PBX1: variants seen among roughly 807,000 people sequenced by gnomAD.
PBX1 encodes the protein PBX homeobox 1.
In PBX1, 6 loss-of-function variants were observed where a neutral mutation model predicts 53.4. The ratio of observed to expected loss-of-function variants is 0.11; its 90% CI spans 0.06 to 0.22. The LOEUF (loss-of-function observed/expected upper bound fraction) is 0.22. Ranked by LOEUF, PBX1 falls within the 10% of genes least tolerant of loss-of-function variation. The pLI, the probability that PBX1 is intolerant of heterozygous loss-of-function variation, is 1.00. For synonymous variants in PBX1, 204 were observed against 212.3 expected (o/e 0.96, Z 0.34); for missense variants, 251 against 551.4 (o/e 0.46, Z 5.46).
chr1:164,803,206 T>A (rs989504227), intron 4 of PBX1, among the ~76,000 whole-genome samples: 2 of 152,136 alleles, frequency 1.3e-5, no homozygotes, highest in Non-Finnish European at 2.9e-5. Context: ...AAAAAGTGCA[T>A]ATAAAGGTGG....
intron 2 of PBX1, among the ~76,000 whole-genome samples, chr1:164,748,876 G>A (rs1557983203): frequency 6.6e-6 from 1 of 152,124 alleles, no homozygotes; most frequent in Admixed American, 6.5e-5. Flanking sequence ...GGTGTGTGAT[G>A]GAGGGGTGGA....
chr1:164,802,925 TC>T (rs1382376198), intron 4 of PBX1, among the ~76,000 whole-genome samples: 4 of 152,178 alleles, frequency 2.6e-5, no homozygotes, highest in African/African-American at 9.7e-5. Flanking sequence ...TAAATGATTT[TC>T]GAGCATTAAT....
At position 164,560,005 on chromosome 1, in the gene PBX1, G is replaced by T. The variant is rs1227689671; in HGVS notation, c.183G>T (p.Ala61=). The change falls in exon 1 of 9, where the codon GCG becomes GCT. Residue 61 remains alanine, a synonymous_variant. Coordinates refer to ENST00000420696, the MANE Select transcript of PBX1 (RefSeq NM_002585.4). Reference sequence around the variant, plus strand: ...TCACAGACCAGAGTTTGGATGAGGCGCAGGCCAGGTGAGATGGAGGCTTTT... The same window carrying T: ...TCACAGACCAGAGTTTGGATGAGGCTCAGGCCAGGTGAGATGGAGGCTTTT... ...MTITDQSLDE[A]QARKHALNCH... 1 of 1,438,614 alleles carries T rather than the reference G, an allele frequency of 7.0e-7. No homozygotes were observed. Among genetic ancestry groups the T allele is most frequent in the East Asian group, 2.9e-5 (1 of 34,618 alleles). The allele number at this position is 1,438,614 out of a possible 1,614,324, so 89.1% of individuals were successfully genotyped here. A position where few individuals can be genotyped will look rare whatever the true frequency, so the allele number is the denominator to read the frequency against.
At chr1:164,745,596 G>C (rs961801309) in intron 2 of PBX1, among the ~76,000 whole-genome samples, 7 of 152,104 alleles carry the variant, frequency 4.6e-5, no homozygotes, top group Admixed American at 2.0e-4. Context: ...ACCCAAAGAA[G>C]GTAGTAGTAA....
chr1:164,628,037 G>A (rs1365856420), intron 2 of PBX1, among the ~76,000 whole-genome samples: 1 of 152,160 alleles, frequency 6.6e-6, no homozygotes, highest in African/African-American at 2.4e-5. Flanking sequence ...ATTGCTTTTT[G>A]GGGACATCTG....
intron 2 of PBX1, among the ~76,000 whole-genome samples, chr1:164,753,609 G>A (rs1158860238): frequency 6.6e-6 from 1 of 152,146 alleles, no homozygotes; most frequent in African/African-American, 2.4e-5. Context: ...CGTGCAGGTC[G>A]GCCAGACCCA....
At chr1:164,602,146 G>C (rs1397248998) in intron 2 of PBX1, among the ~76,000 whole-genome samples, 2 of 152,176 alleles carry the variant, frequency 1.3e-5, no homozygotes, top group African/African-American at 4.8e-5. Context: ...GTGGCCTTGG[G>C]AGAAAAGCTG....
At chr1:164,668,113 C>T (rs542738527) in intron 2 of PBX1, among the ~76,000 whole-genome samples, 1 of 152,230 alleles carries the variant, frequency 6.6e-6, no homozygotes, top group Admixed American at 6.5e-5. Context: ...TACGTTTGGT[C>T]AGGAACTATG....
chr1:164,584,243 A>G (rs542314998), intron 2 of PBX1, among the ~76,000 whole-genome samples: 1 of 152,096 alleles, frequency 6.6e-6, no homozygotes, highest in Admixed American at 6.5e-5. Context: ...GTGCATACCT[A>G]TAAATCCCAG....
At chr1:164,779,760 T>A (rs1387726568) in intron 2 of PBX1, among the ~76,000 whole-genome samples, 1 of 151,934 alleles carries the variant, frequency 6.6e-6, no homozygotes, top group Admixed American at 6.6e-5. Context: ...ACAACCAGAG[T>A]GGGGTTCAAT....
At chr1:164,670,074 T>G (rs1661032562) in intron 2 of PBX1, among the ~76,000 whole-genome samples, 1 of 149,154 alleles carries the variant, frequency 6.7e-6, no homozygotes, top group South Asian at 2.1e-4. Context: ...GTGAGAGTAC[T>G]AAGCCATAGG....
rs185088761 is a variant in PBX1, at chr1:164,574,666, G to C, written c.265+11355G>C. On this transcript the variant is annotated intron_variant, in intron 2 of 8. Coordinates refer to ENST00000420696, the MANE Select transcript of PBX1 (RefSeq NM_002585.4). The stretch of plus-strand genomic sequence containing the variant: ...TTGAATTGCAGAAGGCAAACTGAGA[G>C]GGAAAAAAATAGTGGAATTAAAAAA... 2.8e-3 allele frequency among the ~76,000 whole-genome samples: 431 copies of C among 152,182 alleles called. 3 individuals carry two copies. The highest frequency in any genetic ancestry group is 0.01 in the African/African-American group (420 of 41,524).
At chr1:164,562,940 A>G (rs1356495944) in intron 1 of PBX1, 1 of 182,798 alleles carries the variant, frequency 5.5e-6, no homozygotes, top group Non-Finnish European at 1.1e-5. Context: ...TGTGGGTTTA[A>G]GAATTACTCT....
intron 4 of PBX1, among the ~76,000 whole-genome samples, chr1:164,804,907 A>G (rs540977790): frequency 6.6e-6 from 1 of 152,342 alleles, no homozygotes; most frequent in Non-Finnish European, 1.5e-5. Flanking sequence ...TGATTTGGGT[A>G]AAAGGTGATC....
chr1:164,868,683 C>A (rs1672278652), intron 2 of PBX1, among the ~76,000 whole-genome samples: 1 of 152,170 alleles, frequency 6.6e-6, no homozygotes, highest in Admixed American at 6.6e-5. Flanking sequence ...TACACAGTGG[C>A]AAGGACTCAA....
At chr1:164,700,909 C>T (rs992356026) in intron 2 of PBX1, among the ~76,000 whole-genome samples, 1 of 152,182 alleles carries the variant, frequency 6.6e-6, no homozygotes, top group African/African-American at 2.4e-5. Context: ...CATTGAACCT[C>T]TCTGGGTGTT....
Position 164,761,039 on chromosome 1 carries a change from T to G in PBX1, c.266-31455T>G, listed in dbSNP as rs1301673525. On this transcript the variant is annotated intron_variant, in intron 2 of 8. Coordinates refer to ENST00000420696, the MANE Select transcript of PBX1 (RefSeq NM_002585.4). ...TGTCTGCCTGCCCCCACCCATCTTT[T>G]TCTTTTTGGTGTCTATTTCTCATCA... 1.3e-5 allele frequency among the ~76,000 whole-genome samples: 2 copies of G among 152,212 alleles called. 1 individual carries two copies. The highest frequency in any genetic ancestry group is 2.9e-5 in the Non-Finnish European group (2 of 68,042).
chr1:164,831,796 G>A (rs566858214), intron 8 of PBX1, among the ~76,000 whole-genome samples: 1 of 152,266 alleles, frequency 6.6e-6, no homozygotes, highest in Non-Finnish European at 1.5e-5. Context: ...GTTGTCCACA[G>A]AATAGTCTGT....
At chr1:164,699,091 G>C (rs530745430) in intron 2 of PBX1, among the ~76,000 whole-genome samples, 2 of 152,226 alleles carry the variant, frequency 1.3e-5, no homozygotes, top group South Asian at 4.2e-4. Flanking sequence ...TACAGAATAG[G>C]CATGCGTGCT....
Sources: allele counts gnomAD v4.1 joint callset (sites outside exome capture counted in the v4.1 genomes callset), GRCh38; gene constraint gnomAD v4.1.1; transcripts MANE v1.5; gene names NCBI Gene and HGNC (gene_info 2026-07-23, HGNC 2026-07-21).